Variants in GSTA1 observed in about 807,000 individuals in gnomAD.
GSTA1 encodes glutathione S-transferase alpha 1.
Under a neutral mutation model 21.5 loss-of-function variants are expected in GSTA1, and 23 were observed. That is an observed-to-expected ratio of 1.07 (90% CI 0.77 to 1.52). The LOEUF is 1.52. GSTA1 is among the 40% of genes most tolerant of loss of function. GSTA1 has a pLI of 0.00. For synonymous variants in GSTA1, 125 were observed against 90.0 expected (o/e 1.39, Z -2.20); for missense variants, 301 against 264.2 (o/e 1.14, Z -0.96).
intron 3 of GSTA1, among the ~76,000 whole-genome samples, chr6:52,796,543 ATT>A (rs34109072): frequency 4.2e-5 from 1 of 23,772 alleles, no homozygotes; most frequent in African/African-American, 1.1e-4. Flanking sequence ...ATATATATAT[ATT>A]TTTTTTTTTT....
intron 1 of GSTA1, among the ~76,000 whole-genome samples, chr6:52,799,544 G>T (rs927056766): frequency 6.6e-6 from 1 of 152,148 alleles, no homozygotes; most frequent in Non-Finnish European, 1.5e-5. Flanking sequence ...CATAAGAGGT[G>T]AGAGTATGTG....
chr6:52,794,021 A>G lies in GSTA1; in HGVS notation c.414+104T>C, dbSNP rs1192763056. The G allele has an allele frequency of 2.2e-6, 3 of 1,389,676 alleles. No individual in the cohort carries two copies. The Admixed American group carries it at 5.3e-5, about 24-fold the overall frequency. The allele number at this position is 1,389,676 out of a possible 1,614,324, so 86.1% of individuals were successfully genotyped here. Reference sequence around the variant, plus strand: ...TCAGAGTGCTGCATTGGTGTTCAGGAAGTCTCACTGAAAGTGAAGATCAGT... The same window carrying G: ...TCAGAGTGCTGCATTGGTGTTCAGGGAGTCTCACTGAAAGTGAAGATCAGT... On this transcript the variant is annotated intron_variant, in intron 5 of 6. Transcript: ENST00000334575.
At position 52,797,510 on chromosome 6, in the gene GSTA1, A is replaced by T; in HGVS notation, c.139+76T>A. ...AATACCATGCCCCACACCCATAGACATTGCCGGCTGCGCAAACCTCCCCGT... is the reference window on the plus strand; with the variant it reads ...AATACCATGCCCCACACCCATAGACTTTGCCGGCTGCGCAAACCTCCCCGT... On this transcript the variant is annotated intron_variant, in intron 3 of 6. Transcript: ENST00000334575. 5 of 1,077,848 alleles carry T rather than the reference A, an allele frequency of 4.6e-6. No homozygotes were observed. The South Asian group carries it at 5.0e-5, about 11-fold the overall frequency. 66.8% of individuals were successfully genotyped at this position (1,077,848 alleles called of 1,614,324 possible).
At position 52,799,379 on chromosome 6, in the gene GSTA1, A is replaced by G. The variant is rs1358184014; in HGVS notation, c.-30-82T>C. 4 of 867,806 alleles carry G rather than the reference A, an allele frequency of 4.6e-6. No individual in the cohort carries two copies. In the East Asian group the frequency reaches 7.9e-5, roughly 17 times the overall value. 53.8% of individuals were successfully genotyped at this position (867,806 alleles called of 1,614,324 possible). On this transcript the variant is annotated intron_variant, in intron 1 of 6. Coordinates refer to ENST00000334575, the MANE Select transcript of GSTA1 (RefSeq NM_145740.5). The stretch of plus-strand genomic sequence containing the variant: ...TAGGATATGTAGTTGAAAACCACCA[A>G]CAATACTGAAGAAGAACCTTCCTTC...
intron 3 of GSTA1, among the ~76,000 whole-genome samples, chr6:52,796,543 A>ATATATATATTTTTTTTTTT (rs1300549721): frequency 4.2e-5 from 1 of 23,758 alleles, no homozygotes. Context: ...ATATATATAT[A>ATATATATATTTTTTTTTTT]TTTTTTTTTT....
chr6:52,796,159 G>C (rs370197411), intron 4 of GSTA1, 23 bp downstream of exon 4: 1 of 1,612,096 alleles, frequency 6.2e-7, no homozygotes, highest in South Asian at 1.1e-5. Context: ...TCTGTGGATG[G>C]AAGAACAGAA....
chr6:52,797,458 C>A, intron 3 of GSTA1, 128 bp downstream of exon 3: 1 of 629,840 alleles, frequency 1.6e-6, no homozygotes, highest in Admixed American at 2.7e-5. Flanking sequence ...TCCATTTTAA[C>A]CACTTTCTCC....
At position 52,791,816 on chromosome 6, in the gene GSTA1, G is replaced by C; in HGVS notation, c.*42C>G. On this transcript the variant is annotated 3_prime_UTR_variant, in exon 7 of 7. Transcript: ENST00000334575. ...AGTACTTTATTGTTGCAAAACTTTA[G>C]AACATTGGTATTGCAAGTTCTTGGC... 6.2e-7 allele frequency: 1 copy of C among 1,612,308 alleles called. No homozygotes were observed. Among genetic ancestry groups the C allele is most frequent in the Non-Finnish European group, 8.5e-7 (1 of 1,178,986 alleles).
At position 52,801,657 on chromosome 6, in the gene GSTA1, A is replaced by G. The variant is rs1763720082; in HGVS notation, c.-31+2128T>C. On this transcript the variant is annotated intron_variant, in intron 1 of 6. Coordinates refer to ENST00000334575, the MANE Select transcript of GSTA1 (RefSeq NM_145740.5). ...TGAGGTTTCCAAGGGTCAGGCTAAG[A>G]CTGAGACATAGGTTACCATTGAGCT... Among the ~76,000 whole-genome samples, 3 of 152,204 alleles carry G rather than the reference A, an allele frequency of 2.0e-5. No homozygotes were observed. The South Asian group carries it at 6.2e-4, about 32-fold the overall frequency.
intron 5 of GSTA1, 102 bp from the exon 6 acceptor site, chr6:52,793,089 C>T: frequency 1.3e-6 from 2 of 1,535,422 alleles, no homozygotes; most frequent in Non-Finnish European, 1.8e-6. Flanking sequence ...ACCTCTGTTG[C>T]CTTACTGCAT....
intron 6 of GSTA1, among the ~76,000 whole-genome samples, chr6:52,792,419 C>T (rs896498186): frequency 2.0e-5 from 3 of 152,082 alleles, no homozygotes; most frequent in African/African-American, 7.2e-5. Flanking sequence ...GTGTGGGGGG[C>T]CAGTGTTCTG....
intron 1 of GSTA1, among the ~76,000 whole-genome samples, chr6:52,799,657 T>C (rs971257712): frequency 6.6e-6 from 1 of 152,254 alleles, no homozygotes; most frequent in Non-Finnish European, 1.5e-5. Context: ...TCCCTTTCAA[T>C]ATTTTATATC....
At chr6:52,801,112 C>G (rs1021726262) in intron 1 of GSTA1, among the ~76,000 whole-genome samples, 23 of 152,118 alleles carry the variant, frequency 1.5e-4, no homozygotes, top group African/African-American at 5.6e-4. Flanking sequence ...AACGCCTGAC[C>G]TCAGGTGATC....
At chr6:52,802,773 G>T (rs1319068964) in intron 1 of GSTA1, among the ~76,000 whole-genome samples, 1 of 151,864 alleles carries the variant, frequency 6.6e-6, no homozygotes. Context: ...TCTATATTTT[G>T]TTCATAGAAC....
At position 52,798,409 on chromosome 6, in the gene GSTA1, T is replaced by A. The variant is rs1488858051; in HGVS notation, c.87+772A>T. On this transcript the variant is annotated intron_variant, in intron 2 of 6. Coordinates refer to ENST00000334575, the MANE Select transcript of GSTA1 (RefSeq NM_145740.5). ...GGGACTGTGTCTGTCTTGTTCACTA[T>A]CTCCATGACCGAGTACAGAACCTGG... Among the ~76,000 whole-genome samples the A allele has an allele frequency of 2.4e-5, 3 of 123,552 alleles. No individual in the cohort carries two copies. In the Admixed American group the frequency reaches 2.6e-4, roughly 11 times the overall value. 81.1% of individuals were successfully genotyped at this position (123,552 alleles called of 152,430 possible). A position where few individuals can be genotyped will look rare whatever the true frequency, so the allele number is the denominator to read the frequency against.
chr6:52,791,714 G>C lies in GSTA1; in HGVS notation c.*144C>G, dbSNP rs1763460625. ...CAATTTTAACTAAGTCAGCGAATAG[G>C]AGTTGTATTATTTAATTAGCATATA... On this transcript the variant is annotated 3_prime_UTR_variant, in exon 7 of 7. Transcript: ENST00000334575. The C allele has an allele frequency of 1.1e-5, 10 of 907,278 alleles. No individual in the cohort carries two copies. In the East Asian group the frequency reaches 2.3e-4, roughly 21 times the overall value. The allele number at this position is 907,278 out of a possible 1,614,324, so 56.2% of individuals were successfully genotyped here.
chr6:52,803,007 G>T (rs754281697), intron 1 of GSTA1, among the ~76,000 whole-genome samples: 6 of 152,094 alleles, frequency 3.9e-5, no homozygotes, highest in Admixed American at 2.0e-4. Context: ...GTAGTCCCAT[G>T]GTTCTCAACC....
At position 52,794,183 on chromosome 6, in the gene GSTA1, G is replaced by T. The variant is rs1203988377; in HGVS notation, c.356C>A (p.Ala119Asp). The T allele has an allele frequency of 6.2e-7, 1 of 1,614,050 alleles. No homozygotes were observed. Among genetic ancestry groups the T allele is most frequent in the Non-Finnish European group, 8.5e-7 (1 of 1,179,936 alleles). Residue 119 changes from alanine to aspartate, a missense_variant, in exon 5 of 7, where the codon GCC becomes GAC. Ala to Asp is a moderately radical substitution (Grantham distance 126). Coordinates refer to ENST00000334575, the MANE Select transcript of GSTA1 (RefSeq NM_145740.5). ...LPVCPPEEKD[A>D]KLALIKEKIK... ...TTTCTCTTTGATCAAGGCAAGCTTG[G>T]CATCTTTTTCCTCAGGTGGACATAC...
chr6:52,797,982 C>T (rs1296007863), intron 2 of GSTA1, among the ~76,000 whole-genome samples: 2 of 152,176 alleles, frequency 1.3e-5, no homozygotes, highest in African/African-American at 4.8e-5. Context: ...CCTGTGTCTC[C>T]AAGTGAGATC....
Sources: allele counts gnomAD v4.1 joint callset (sites outside exome capture counted in the v4.1 genomes callset), GRCh38; gene constraint gnomAD v4.1.1; transcripts MANE v1.5; gene names NCBI Gene and HGNC (gene_info 2026-07-23, HGNC 2026-07-21).